Variants in SEPSECS observed in about 807,000 individuals in gnomAD.
The protein encoded by SEPSECS is Sep (O-phosphoserine) tRNA:Sec (selenocysteine) tRNA synthase.
A neutral mutation model predicts 52.1 loss-of-function variants in SEPSECS; 42 were observed. That is an observed-to-expected ratio of 0.81 (90% CI 0.63 to 1.04). SEPSECS has a LOEUF of 1.04. SEPSECS is among the 50% of genes least tolerant of loss of function. SEPSECS has a pLI of 0.00. For missense variants in SEPSECS, 590 were observed against 610.6 expected, an observed-to-expected ratio of 0.97 and a Z score of 0.36; for synonymous variants, 216 against 211.4, an observed-to-expected ratio of 1.02 and a Z score of -0.19.
chr4:25,126,790 G>T (rs1728391318), intron 9 of SEPSECS, among the ~76,000 whole-genome samples: 1 of 152,068 alleles, frequency 6.6e-6, no homozygotes, highest in African/African-American at 2.4e-5. Flanking sequence ...TGATATGTTG[G>T]GGTTTTGTTA....
rs1048368491 is a variant in SEPSECS at position 25,125,618 on chromosome 4, T to C, written c.1211+76A>G. On this transcript the variant is annotated intron_variant, in intron 10 of 10. Transcript: ENST00000382103. ...AGTTCAGGATATACTTGGGGGACTA[T>C]TGTTGAGGAAAGGTATTTTACTGGA... 8.0e-6 allele frequency: 7 copies of C among 878,978 alleles called. No homozygotes were observed. In the African/African-American group the frequency reaches 1.0e-4, roughly 13 times the overall value. 54.4% of individuals were successfully genotyped at this position (878,978 alleles called of 1,614,324 possible).
intron 8 of SEPSECS, among the ~76,000 whole-genome samples, chr4:25,142,244 T>G (rs925912625): frequency 1.3e-5 from 2 of 152,116 alleles, no homozygotes; most frequent in African/African-American, 2.4e-5. Flanking sequence ...GCCACTGCAC[T>G]GCAGCCTGGG....
rs539180638 is a variant in SEPSECS at position 25,123,894 on chromosome 4, A to C, written c.*37T>G. 1.3e-5 allele frequency: 21 copies of C among 1,565,426 alleles called. No homozygotes were observed. In the East Asian group the frequency reaches 4.7e-4, roughly 35 times the overall value. On this transcript the variant is annotated 3_prime_UTR_variant, in exon 11 of 11. Transcript: ENST00000382103. ...TGCTTGCTTGTACTACAGCCTTATC[A>C]TTTCTTTCAAATGATCAAGAAGAAA...
intron 8 of SEPSECS, among the ~76,000 whole-genome samples, chr4:25,140,509 C>T (rs912638172): frequency 6.6e-6 from 1 of 152,102 alleles, no homozygotes; most frequent in African/African-American, 2.4e-5. Context: ...GGTCCATATT[C>T]CACAATTCAC....
At position 25,160,304 on chromosome 4, in the gene SEPSECS, A is replaced by G; in HGVS notation, c.66T>C (p.Cys22=). ...LVSPAYVRQG[C]EARRSHEHLI... is the part of the protein sequence containing the mutation. ...GGTGCTCATGCGAGCGGCGGGCCTC[A>G]CAGCCCTGCCGCACGTAAGCCGGCG... Residue 22 remains cysteine (C), a synonymous_variant, in exon 1 of 11, where the codon TGT becomes TGC. Transcript: ENST00000382103. The G allele has an allele frequency of 1.9e-6, 3 of 1,550,394 alleles. No individual in the cohort carries two copies. The highest frequency in any genetic ancestry group is 2.6e-6 in the Non-Finnish European group (3 of 1,146,778).
intron 6 of SEPSECS, among the ~76,000 whole-genome samples, chr4:25,146,832 A>T (rs188366774): frequency 6.6e-6 from 1 of 152,266 alleles, no homozygotes; most frequent in African/African-American, 2.4e-5. Context: ...CCACCTTCAC[A>T]ACTACCACCC....
intron 8 of SEPSECS, among the ~76,000 whole-genome samples, chr4:25,141,940 C>T (rs1711575687): frequency 6.6e-6 from 1 of 152,146 alleles, no homozygotes; most frequent in Non-Finnish European, 1.5e-5. Context: ...CGCACTTCAC[C>T]ATCATATGTG....
chr4:25,141,241 C>T (rs1711532061), intron 8 of SEPSECS, among the ~76,000 whole-genome samples: 1 of 152,122 alleles, frequency 6.6e-6, no homozygotes, highest in African/African-American at 2.4e-5. Context: ...TTTTCTCAGA[C>T]CTCTTAATGC....
intron 8 of SEPSECS, among the ~76,000 whole-genome samples, chr4:25,129,716 G>A (rs1215077287): frequency 6.6e-6 from 1 of 151,896 alleles, no homozygotes; most frequent in African/African-American, 2.4e-5. Flanking sequence ...TACTACGAAA[G>A]GTGAAACAAT....
chr4:25,152,160 G>T, intron 5 of SEPSECS, 98 bp from the exon 6 acceptor site: 1 of 717,994 alleles, frequency 1.4e-6, no homozygotes. Context: ...TATCCTTAAT[G>T]TACACCAAAG....
intron 8 of SEPSECS, among the ~76,000 whole-genome samples, chr4:25,142,515 T>C (rs936274222): frequency 1.3e-5 from 2 of 152,246 alleles, no homozygotes; most frequent in African/African-American, 2.4e-5. Flanking sequence ...TTGACTGCTA[T>C]ATCTATATAT....
chr4:25,153,130 T>A (rs1712409291), intron 5 of SEPSECS, among the ~76,000 whole-genome samples: 1 of 151,918 alleles, frequency 6.6e-6, no homozygotes, highest in Admixed American at 6.6e-5. Flanking sequence ...TCTTATGAAT[T>A]AAAAACTCAT....
At chr4:25,127,063 C>T (rs1017161857) in intron 9 of SEPSECS, among the ~76,000 whole-genome samples, 1 of 152,190 alleles carries the variant, frequency 6.6e-6, no homozygotes, top group African/African-American at 2.4e-5. Context: ...CTTATTCTCT[C>T]AGTGTATAGG....
At chr4:25,146,474 T>TA (rs3839170) in intron 6 of SEPSECS, among the ~76,000 whole-genome samples, 124,330 of 151,888 alleles carry the variant, frequency 0.82, 50,932 homozygotes, top group South Asian at 0.84. Flanking sequence ...ACTAACAGAA[T>TA]AAAAAAAACT....
At chr4:25,159,855 A>G in intron 1 of SEPSECS, 2 of 1,085,276 alleles carry the variant, frequency 1.8e-6, no homozygotes, top group Non-Finnish European at 2.3e-6. Context: ...GTTCCGCGGA[A>G]AGCTCGTGGT....
intron 8 of SEPSECS, among the ~76,000 whole-genome samples, chr4:25,140,655 T>C (rs755404011): frequency 6.6e-6 from 1 of 152,212 alleles, no homozygotes; most frequent in Non-Finnish European, 1.5e-5. Flanking sequence ...CAGTATTACG[T>C]GTAATTATTT....
At chr4:25,126,062 G>A (rs540242579) in intron 9 of SEPSECS, among the ~76,000 whole-genome samples, 10 of 152,246 alleles carry the variant, frequency 6.6e-5, no homozygotes, top group African/African-American at 2.4e-4. Flanking sequence ...AACATGATCA[G>A]TGTGGCTGTT....
In SEPSECS at chr4:25,125,771, T is replaced by C; in HGVS notation, c.1134A>G (p.Lys378=). ...CTTTGTCACGGTGTTCATCTAGTGT[T>C]TTAAGTGTCATAGCTGAAAAAGAAA... ...HNPISLAMTL[K]TLDEHRDKAV... The change falls in exon 10 of 11, where the codon AAA becomes AAG. Residue 378 remains lysine, a synonymous_variant. Transcript: ENST00000382103. The C allele has an allele frequency of 6.2e-7, 1 of 1,612,000 alleles. No individual in the cohort carries two copies. Among genetic ancestry groups the C allele is most frequent in the Non-Finnish European group, 8.5e-7 (1 of 1,178,562 alleles).
intron 6 of SEPSECS, among the ~76,000 whole-genome samples, chr4:25,150,575 C>A (rs908176260): frequency 3.3e-5 from 5 of 150,910 alleles, no homozygotes; most frequent in Non-Finnish European, 4.4e-5. Context: ...TATGTCACTA[C>A]GTAAAAAAAA....
Sources: gnomAD v4.1 joint callset for allele counts (sites outside exome capture counted in the v4.1 genomes callset) on GRCh38, gnomAD v4.1.1 for gene constraint, MANE v1.5 for transcripts, NCBI Gene and HGNC (gene_info 2026-07-23, HGNC 2026-07-21) for gene names.